The following N4BP1 variants were observed in gnomAD, a reference collection of about 807,000 sequenced individuals.
N4BP1 encodes NEDD4-binding protein 1.
A neutral mutation model predicts 70.9 loss-of-function variants in N4BP1; 21 were observed. The ratio of observed to expected loss-of-function variants is 0.30; its 90% confidence interval spans 0.21 to 0.43. N4BP1 has a LOEUF of 0.43. Among genes scored for constraint, N4BP1 ranks in the 20% least tolerant of loss-of-function variants. N4BP1 has a pLI of 1.00. For missense variants in N4BP1, 936 were observed against 1,069.4 expected (o/e 0.88, Z 1.74); for synonymous variants, 387 against 394.6 (o/e 0.98, Z 0.23).
intron 1 of N4BP1, among the ~76,000 whole-genome samples, chr16:48,599,099 G>C (rs149540808): frequency 6.6e-6 from 1 of 152,294 alleles, no homozygotes; most frequent in African/African-American, 2.4e-5. Flanking sequence ...GATGGAATTA[G>C]GGTACAAGCT....
chr16:48,556,777 C>T (rs2098891380), intron 2 of N4BP1, among the ~76,000 whole-genome samples: 1 of 151,978 alleles, frequency 6.6e-6, no homozygotes, highest in Admixed American at 6.6e-5. Context: ...TCTGAGTTAC[C>T]CAGGAAAAAG....
rs550201735 is a variant in N4BP1 at position 48,580,367 on chromosome 16, A to G, written c.199-17923T>C. On this transcript the variant is annotated intron_variant, in intron 1 of 6. Coordinates refer to ENST00000262384, the MANE Select transcript of N4BP1 (RefSeq NM_153029.4). ...ATAAATTCCTTGACACATACAACCT[A>G]CCAAGATTGAATTAGGAATAGAAAA... Among the ~76,000 whole-genome samples the G allele has an allele frequency of 3.9e-5, 6 of 152,148 alleles. No individual in the cohort carries two copies. The South Asian group carries it at 1.0e-3, about 26-fold the overall frequency.
intron 1 of N4BP1, among the ~76,000 whole-genome samples, chr16:48,604,746 G>T (rs933406909): frequency 1.3e-4 from 19 of 151,958 alleles, no homozygotes; most frequent in African/African-American, 4.6e-4. Context: ...CGATGAATTC[G>T]ATGTGTATGA....
chr16:48,573,931 T>A (rs1964057401), intron 1 of N4BP1, among the ~76,000 whole-genome samples: 1 of 152,176 alleles, frequency 6.6e-6, no homozygotes, highest in Non-Finnish European at 1.5e-5. Flanking sequence ...GCCTTCATCC[T>A]TACCTTCACT....
chr16:48,594,309 G>A (rs963211558), intron 1 of N4BP1, among the ~76,000 whole-genome samples: 3 of 152,112 alleles, frequency 2.0e-5, no homozygotes, highest in Non-Finnish European at 4.4e-5. Context: ...TTATCATTTT[G>A]GTTAAATGAA....
chr16:48,567,176 GTGT>G (rs766694228), intron 1 of N4BP1, among the ~76,000 whole-genome samples: 3 of 152,106 alleles, frequency 2.0e-5, no homozygotes, highest in Admixed American at 6.5e-5. Flanking sequence ...TTTAATTGGA[GTGT>G]TGATTTACAT....
Position 48,540,939 on chromosome 16 carries a change from A to C in N4BP1, c.*1965T>G, listed in dbSNP as rs1477657923. 31 of 152,224 alleles carry C rather than the reference A, an allele frequency of 2.0e-4. No individual in the cohort carries two copies. Among genetic ancestry groups the C allele is most frequent in the Admixed American group, 2.0e-3 (31 of 15,284 alleles). 9.4% of individuals were successfully genotyped at this position (152,224 alleles called of 1,614,324 possible). Reference sequence around the variant, plus strand: ...TAACTGATGAAGGCAACCAATGAGCAATCCTTCCTTCCCATAGCCGAGAAA... The same window carrying C: ...TAACTGATGAAGGCAACCAATGAGCCATCCTTCCTTCCCATAGCCGAGAAA... On this transcript the variant is annotated 3_prime_UTR_variant, in exon 7 of 7. Transcript: ENST00000262384.
intron 1 of N4BP1, among the ~76,000 whole-genome samples, chr16:48,594,815 T>C (rs1964387207): frequency 2.0e-5 from 3 of 152,232 alleles, no homozygotes; most frequent in South Asian, 4.1e-4. Context: ...TCAATAATAA[T>C]TGTTATGTTA....
chr16:48,602,501 C>CCAGTA (rs1378576742), intron 1 of N4BP1, among the ~76,000 whole-genome samples: 1 of 152,088 alleles, frequency 6.6e-6, no homozygotes, highest in Non-Finnish European at 1.5e-5. Flanking sequence ...ATAAGCAATA[C>CCAGTA]CAGTATCCCT....
At chr16:48,585,120 G>C (rs1051406299) in intron 1 of N4BP1, among the ~76,000 whole-genome samples, 1 of 152,102 alleles carries the variant, frequency 6.6e-6, no homozygotes, top group African/African-American at 2.4e-5. Flanking sequence ...TTTTAGTAGA[G>C]ATGGGGTTTC....
intron 3 of N4BP1, among the ~76,000 whole-genome samples, chr16:48,552,740 A>AAAAAAAAAAAAAC (rs1963694241): frequency 2.5e-5 from 3 of 121,106 alleles, no homozygotes; most frequent in South Asian, 2.8e-4. Flanking sequence ...AAAAAAAAAG[A>AAAAAAAAAAAAAC]CTCCTTCAGG....
chr16:48,569,295 G>C (rs572149896), intron 1 of N4BP1, among the ~76,000 whole-genome samples: 2 of 152,346 alleles, frequency 1.3e-5, no homozygotes, highest in South Asian at 4.1e-4. Flanking sequence ...TGTTTTAGCA[G>C]ATAGTTGACG....
intron 1 of N4BP1, among the ~76,000 whole-genome samples, chr16:48,584,895 G>A (rs1361931066): frequency 1.3e-5 from 2 of 152,118 alleles, no homozygotes; most frequent in Non-Finnish European, 2.9e-5. Context: ...AAAAATAGAT[G>A]TCCTTTCCCT....
At position 48,548,837 on chromosome 16, in the gene N4BP1, C is replaced by CAAA. The variant is rs34869645; in HGVS notation, c.2118-726_2118-724dup. Among the ~76,000 whole-genome samples, 439 of 71,720 alleles carry CAAA rather than the reference C, an allele frequency of 6.1e-3. 4 individuals are homozygous for CAAA. Among genetic ancestry groups the CAAA allele is most frequent in the African/African-American group, 0.018 (382 of 21,684 alleles). 47.1% of individuals were successfully genotyped at this position (71,720 alleles called of 152,430 possible). A position where few individuals can be genotyped will look rare whatever the true frequency, so the allele number is the denominator to read the frequency against. On this transcript the variant is annotated intron_variant, in intron 4 of 6. Transcript: ENST00000262384. ...CCTGGACAACAGAACGAGACTGCTT[C>CAAA]AAAAAAAAAAAAAAAAAAAAATTCA...
chr16:48,551,483 C>A lies in N4BP1; in HGVS notation c.2021-1G>T. The A allele has an allele frequency of 6.2e-7, 1 of 1,607,814 alleles. No homozygotes were observed. The highest frequency in any genetic ancestry group is 8.5e-7 in the Non-Finnish European group (1 of 1,175,246). On this transcript the variant is annotated splice_acceptor_variant, in intron 3 of 6. Coordinates refer to ENST00000262384, the MANE Select transcript of N4BP1 (RefSeq NM_153029.4). LOFTEE classifies it high-confidence loss of function. ...TGGAGCTGGGTTAAGAAGTGCTGTT[C>A]TGTTCATGGAATAAGTTGAATATAC...
At chr16:48,600,212 C>T (rs970646105) in intron 1 of N4BP1, 8 of 733,358 alleles carry the variant, frequency 1.1e-5, no homozygotes, top group African/African-American at 3.5e-5. Flanking sequence ...ACCCTGGCCA[C>T]GGCATGATGT....
intron 6 of N4BP1, 80 bp downstream of exon 6, chr16:48,546,067 C>A: frequency 2.4e-6 from 2 of 842,414 alleles, no homozygotes; most frequent in South Asian, 1.7e-5. Context: ...CATTTTTAGT[C>A]TATAAAGACA....
At chr16:48,569,797 T>A (rs1028829566) in intron 1 of N4BP1, among the ~76,000 whole-genome samples, 49 of 152,306 alleles carry the variant, frequency 3.2e-4, no homozygotes, top group Non-Finnish European at 7.4e-5. Flanking sequence ...GCCTTTCTTA[T>A]GCTGATGAGG....
chr16:48,565,363 T>C (rs1963926609), intron 1 of N4BP1, among the ~76,000 whole-genome samples: 1 of 152,194 alleles, frequency 6.6e-6, no homozygotes, highest in Non-Finnish European at 1.5e-5. Flanking sequence ...TGGATGGGTG[T>C]TGAAATTTGT....
Sources: allele counts gnomAD v4.1 joint callset (sites outside exome capture counted in the v4.1 genomes callset), GRCh38; gene constraint gnomAD v4.1.1; transcripts MANE v1.5; gene names NCBI Gene and HGNC (gene_info 2026-07-23, HGNC 2026-07-21).